Variants in IL1RAPL1 observed in about 807,000 individuals in gnomAD.
The protein encoded by IL1RAPL1 is interleukin-1 receptor accessory protein-like 1.
A neutral mutation model predicts 48.4 loss-of-function variants in IL1RAPL1; 3 were observed. The observed-to-expected ratio is 0.06, with a 90% CI of 0.03 to 0.16. The LOEUF is 0.16. Ranked by LOEUF, IL1RAPL1 falls within the 10% of genes least tolerant of loss-of-function variation. The pLI, the probability that IL1RAPL1 is intolerant of heterozygous loss-of-function variation, is 1.00. For synonymous variants in IL1RAPL1, 185 were observed against 187.7 expected, an observed-to-expected ratio of 0.99 and a Z score of 0.12; for missense variants, 349 against 530.6, an observed-to-expected ratio of 0.66 and a Z score of 3.36.
At chrX:28,751,013 A>G (rs923923504) in intron 1 of IL1RAPL1, among the ~76,000 whole-genome samples, 2 of 112,039 alleles carry the variant, frequency 1.8e-5, no homozygotes, top group South Asian at 3.7e-4. Context: ...CTGGCTGTAG[A>G]CTTTAATTCA....
At chrX:29,293,061 C>T (rs1270548221) in intron 3 of IL1RAPL1, among the ~76,000 whole-genome samples, 1 of 111,267 alleles carries the variant, frequency 9.0e-6, no homozygotes, top group Non-Finnish European at 1.9e-5. Context: ...AAGTTTAAGC[C>T]ATATTTCCAT....
At chrX:29,903,120 AAAGATCTTAATG>A (rs1181074077) in intron 6 of IL1RAPL1, among the ~76,000 whole-genome samples, 13 of 109,615 alleles carry the variant, frequency 1.2e-4, no homozygotes, top group Non-Finnish European at 2.1e-4. Flanking sequence ...TATTTAGGTA[AAAGATCTTAATG>A]AAGTTCCAAC....
chrX:29,813,898 C>T (rs1244972574), intron 6 of IL1RAPL1, among the ~76,000 whole-genome samples: 1 of 111,659 alleles, frequency 9.0e-6, no homozygotes, highest in Non-Finnish European at 1.9e-5. Context: ...CAGCTACATG[C>T]ATGTTGCTTC....
chrX:28,931,893 T>A (rs1018585360), intron 2 of IL1RAPL1, among the ~76,000 whole-genome samples: 74 of 106,836 alleles, frequency 6.9e-4, no homozygotes, highest in Non-Finnish European at 1.2e-3. Context: ...AAAAAAAAAA[T>A]TAGCTGGGCG....
chrX:29,309,833 C>G (rs897095090), intron 3 of IL1RAPL1, among the ~76,000 whole-genome samples: 3 of 106,614 alleles, frequency 2.8e-5, no homozygotes, highest in African/African-American at 1.0e-4. Flanking sequence ...CGGTGGCTCA[C>G]GCCTGTAATC....
intron 2 of IL1RAPL1, among the ~76,000 whole-genome samples, chrX:28,963,793 C>T (rs1171727479): frequency 9.0e-6 from 1 of 111,178 alleles, no homozygotes; most frequent in Non-Finnish European, 1.9e-5. Context: ...ATCATCTTCT[C>T]TCTCTTATTT....
chrX:28,792,787 C>CAAAAAA (rs1189410830), intron 2 of IL1RAPL1, among the ~76,000 whole-genome samples: 4 of 9,723 alleles, frequency 4.1e-4, no homozygotes, highest in African/African-American at 8.6e-4. Flanking sequence ...GACTCCATCT[C>CAAAAAA]AAAAAAAAAA....
intron 2 of IL1RAPL1, among the ~76,000 whole-genome samples, chrX:29,161,141 A>G (rs1231422487): frequency 1.8e-5 from 2 of 111,483 alleles, no homozygotes; most frequent in East Asian, 5.6e-4. Context: ...CAGCAGGGAT[A>G]CATGGCCTGG....
chrX:29,917,356 A>T, intron 6 of IL1RAPL1, 108 bp from the exon 7 acceptor site: 1 of 697,220 alleles, frequency 1.4e-6, no homozygotes, highest in Non-Finnish European at 2.2e-6. Flanking sequence ...TTTTAGAAAG[A>T]TATTTTATTA....
intron 1 of IL1RAPL1, among the ~76,000 whole-genome samples, chrX:28,630,665 G>A (rs1035264362): frequency 8.9e-6 from 1 of 112,133 alleles, no homozygotes; most frequent in East Asian, 2.8e-4. Flanking sequence ...GCAATTTTAA[G>A]GAGGATAAAA....
At chrX:28,954,940 C>T (rs1239407344) in intron 2 of IL1RAPL1, among the ~76,000 whole-genome samples, 3 of 111,696 alleles carry the variant, frequency 2.7e-5, no homozygotes, top group Non-Finnish European at 3.8e-5. Flanking sequence ...ATGCCCATTG[C>T]AGTGAAACTG....
chrX:29,206,398 A>G (rs1258988416), intron 2 of IL1RAPL1, among the ~76,000 whole-genome samples: 2 of 111,248 alleles, frequency 1.8e-5, no homozygotes, highest in East Asian at 2.8e-4. Context: ...TGTATAACCT[A>G]TATATAGTCT....
intron 6 of IL1RAPL1, among the ~76,000 whole-genome samples, chrX:29,825,666 A>G (rs1930720898): frequency 8.9e-6 from 1 of 111,951 alleles, no homozygotes; most frequent in African/African-American, 3.2e-5. Context: ...GGCTTTGTGG[A>G]CCATGTGGTT....
intron 2 of IL1RAPL1, among the ~76,000 whole-genome samples, chrX:29,228,726 T>C (rs1468003224): frequency 8.9e-6 from 1 of 112,162 alleles, no homozygotes; most frequent in Non-Finnish European, 1.9e-5. Flanking sequence ...TTTTCTTTTA[T>C]TTAAACAGTA....
chrX:29,342,520 A>G (rs192901027), intron 3 of IL1RAPL1, among the ~76,000 whole-genome samples: 1 of 111,882 alleles, frequency 8.9e-6, no homozygotes, highest in Admixed American at 9.5e-5. Flanking sequence ...TCAAGCATGT[A>G]ACTTTTCTTG....
chrX:29,056,533 G>A (rs1481924880), intron 2 of IL1RAPL1, among the ~76,000 whole-genome samples: 1 of 111,417 alleles, frequency 9.0e-6, no homozygotes, highest in Non-Finnish European at 1.9e-5. Flanking sequence ...TAACTTTATG[G>A]CACATTTTAA....
At chrX:29,199,915 A>AC (rs1459666668) in intron 2 of IL1RAPL1, among the ~76,000 whole-genome samples, 1 of 112,193 alleles carries the variant, frequency 8.9e-6, no homozygotes, top group African/African-American at 3.2e-5. Flanking sequence ...ATGTGATAAA[A>AC]TTCACTTATT....
rs1243365050 is a variant in IL1RAPL1 at position 29,477,070 on chromosome X, C to T, written c.703+77762C>T. ...TAATTTTTTGTATTTTTAGTAGAGA[C>T]GGGGTTTCACCTTGTTAGCCAGGAT... On this transcript the variant is annotated intron_variant, in intron 5 of 10. Coordinates refer to ENST00000378993, the MANE Select transcript of IL1RAPL1 (RefSeq NM_014271.4). 4.6e-5 allele frequency among the ~76,000 whole-genome samples: 5 copies of T among 107,794 alleles called. No homozygotes were observed. The East Asian group carries it at 1.2e-3, about 25-fold the overall frequency. 93.6% of individuals were successfully genotyped at this position (107,794 alleles called of 115,157 possible).
At chrX:29,610,408 T>C (rs1461373176) in intron 5 of IL1RAPL1, among the ~76,000 whole-genome samples, 2 of 112,035 alleles carry the variant, frequency 1.8e-5, no homozygotes, top group African/African-American at 3.2e-5. Context: ...AGACAGCATA[T>C]TAATTTGCAT....
Sources: allele counts gnomAD v4.1 joint callset (sites outside exome capture counted in the v4.1 genomes callset), GRCh38; gene constraint gnomAD v4.1.1; transcripts MANE v1.5; gene names NCBI Gene and HGNC (gene_info 2026-07-23, HGNC 2026-07-21).